ZBTB16: variants seen among roughly 807,000 people sequenced by gnomAD.
ZBTB16 encodes zinc finger and BTB domain-containing protein 16.
ZBTB16 carries 8 observed loss-of-function variants against 56.8 expected under a neutral mutation model. That is an observed-to-expected ratio of 0.14 (90% CI 0.08 to 0.25). The LOEUF (loss-of-function observed/expected upper bound fraction) is 0.25. Among genes scored for constraint, ZBTB16 ranks in the 10% least tolerant of loss-of-function variants. ZBTB16 has a pLI of 1.00. For missense variants in ZBTB16, 625 were observed against 903.0 expected, an observed-to-expected ratio of 0.69 and a Z score of 3.95; for synonymous variants, 363 against 368.5, an observed-to-expected ratio of 0.98 and a Z score of 0.17.
chr11:114,156,276 G>T lies in ZBTB16; in HGVS notation c.1269-61G>T, dbSNP rs1182279943. 3.9e-6 allele frequency: 6 copies of T among 1,557,910 alleles called. No individual in the cohort carries two copies. In the East Asian group the frequency reaches 9.0e-5, roughly 23 times the overall value. ...ATGGCTGCCAAGCCCCCAGGTAGGG[G>T]ATGGCCCTGCCTCTTGTCCAGCCAG... On this transcript the variant is annotated intron_variant, in intron 2 of 6. Coordinates refer to ENST00000335953, the MANE Select transcript of ZBTB16 (RefSeq NM_006006.6).
intron 2 of ZBTB16, among the ~76,000 whole-genome samples, chr11:114,146,586 C>T (rs1942110191): frequency 6.6e-6 from 1 of 152,138 alleles, no homozygotes; most frequent in Non-Finnish European, 1.5e-5. Flanking sequence ...GTGGCTCATA[C>T]TTGTAATTCC....
chr11:114,205,205 CGAGACCATCCTGGCTAACGTGGTGAA>C lies in ZBTB16; in HGVS notation c.1453+18168_1453+18193del, dbSNP rs542739398. 4.5e-3 allele frequency among the ~76,000 whole-genome samples: 690 copies of C among 152,028 alleles called. 2 individuals are homozygous for C. Among genetic ancestry groups the C allele is most frequent in the African/African-American group, 0.016 (649 of 41,450 alleles). On this transcript the variant is annotated intron_variant, in intron 4 of 6. Transcript: ENST00000335953. Reference sequence around the variant, plus strand: ...TGGGCGGATCACGAGGTCAGGAGATCGAGACCATCCTGGCTAACGTGGTGAAACCCCGTCTCTACTAAAAATACAAA... The same window carrying C: ...TGGGCGGATCACGAGGTCAGGAGATCACCCCGTCTCTACTAAAAATACAAA...
intron 2 of ZBTB16, among the ~76,000 whole-genome samples, chr11:114,095,389 T>C (rs1367536288): frequency 6.6e-6 from 1 of 151,530 alleles, no homozygotes; most frequent in Non-Finnish European, 1.5e-5. Context: ...GCCTCCTGAG[T>C]AGCTGGGACT....
At chr11:114,218,144 C>T (rs1346275767) in intron 4 of ZBTB16, among the ~76,000 whole-genome samples, 1 of 152,176 alleles carries the variant, frequency 6.6e-6, no homozygotes, top group Non-Finnish European at 1.5e-5. Flanking sequence ...GGCAGTCCTC[C>T]AGGCTGCTGT....
intron 4 of ZBTB16, among the ~76,000 whole-genome samples, chr11:114,198,024 GAA>G (rs36102991): frequency 0.061 from 8,926 of 145,192 alleles, 370 homozygotes; most frequent in Middle Eastern, 0.1. Context: ...AACTTTACAT[GAA>G]AAAAAAAAAA....
chr11:114,212,333 T>A (rs1034504318), intron 4 of ZBTB16, among the ~76,000 whole-genome samples: 7 of 152,016 alleles, frequency 4.6e-5, no homozygotes, highest in African/African-American at 1.7e-4. Context: ...AGAAAGAAAG[T>A]AAGGGGCTTT....
chr11:114,220,569 A>C (rs1381438547), intron 4 of ZBTB16, among the ~76,000 whole-genome samples: 4 of 152,214 alleles, frequency 2.6e-5, no homozygotes, highest in Non-Finnish European at 5.9e-5. Flanking sequence ...TGTCTCCTTC[A>C]GTAGATGGGA....
intron 4 of ZBTB16, chr11:114,188,109 A>C (rs1322896825): frequency 6.6e-6 from 1 of 152,660 alleles, no homozygotes; most frequent in East Asian, 1.9e-4. Flanking sequence ...TAATGTGCTT[A>C]AATCATCCCA....
intron 2 of ZBTB16, among the ~76,000 whole-genome samples, chr11:114,138,843 A>G (rs1178475711): frequency 2.0e-5 from 3 of 152,022 alleles, no homozygotes; most frequent in South Asian, 2.1e-4. Context: ...GGCATGCACC[A>G]CCATGCCCAG....
chr11:114,250,644 G>T lies in ZBTB16; in HGVS notation c.*89G>T. 11 of 1,333,422 alleles carry T rather than the reference G, an allele frequency of 8.2e-6. No individual in the cohort carries two copies. Among genetic ancestry groups the T allele is most frequent in the Non-Finnish European group, 1.1e-5 (11 of 965,120 alleles). 82.6% of individuals were successfully genotyped at this position (1,333,422 alleles called of 1,614,324 possible). ...GGAAGGACTATGACAAATAAAAAAG[G>T]AAAAGAAAAAAAAAAACAGAAGGAA... On this transcript the variant is annotated 3_prime_UTR_variant, in exon 7 of 7. Transcript: ENST00000335953. The surrounding 1 kb of genome is among the most constrained non-coding windows in gnomAD (Gnocchi z 6.0).
chr11:114,063,152 G>T lies in ZBTB16; in HGVS notation c.-90-59G>T. ...TTGAATTCTTACTTTTAGGGACACT[G>T]ATGAATTTGTCTTTTGTTCTCTCAT... On this transcript the variant is annotated intron_variant, in intron 1 of 6. Coordinates refer to ENST00000335953, the MANE Select transcript of ZBTB16 (RefSeq NM_006006.6). The surrounding 1 kb of genome is among the most constrained non-coding windows in gnomAD (Gnocchi z 6.5). 1 of 860,716 alleles carries T rather than the reference G, an allele frequency of 1.2e-6. No homozygotes were observed. The highest frequency in any genetic ancestry group is 2.6e-5 in the East Asian group (1 of 37,742). 53.3% of individuals were successfully genotyped at this position (860,716 alleles called of 1,614,324 possible).
chr11:114,198,175 A>G (rs1203961685), intron 4 of ZBTB16, among the ~76,000 whole-genome samples: 1 of 152,186 alleles, frequency 6.6e-6, no homozygotes, highest in Non-Finnish European at 1.5e-5. Flanking sequence ...TTTGACTTTT[A>G]TAAATATCAG....
At chr11:114,114,840 C>T (rs117105878) in intron 2 of ZBTB16, among the ~76,000 whole-genome samples, 1 of 151,914 alleles carries the variant, frequency 6.6e-6, no homozygotes, top group Non-Finnish European at 1.5e-5. Flanking sequence ...ACTACCATGC[C>T]CAGCTAATTT....
rs776322758 is a variant in ZBTB16 at position 114,113,004 on chromosome 11, C to T, written c.1269-43333C>T. On this transcript the variant is annotated intron_variant, in intron 2 of 6. Coordinates refer to ENST00000335953, the MANE Select transcript of ZBTB16 (RefSeq NM_006006.6). ...CCCAGGCTGATCATGACCACCTGGG[C>T]GCTCAAGCCATTCTCCCGCTTAGGC... Among the ~76,000 whole-genome samples the T allele has an allele frequency of 3.3e-5, 5 of 152,056 alleles. No individual in the cohort carries two copies. The East Asian group carries it at 7.7e-4, about 24-fold the overall frequency.
At position 114,186,550 on chromosome 11, in the gene ZBTB16, T is replaced by C. The variant is rs58331538; in HGVS notation, c.1367-402T>C. Among the ~76,000 whole-genome samples, 1,376 of 152,244 alleles carry C rather than the reference T, an allele frequency of 9.0e-3. 23 individuals carry two copies. Among genetic ancestry groups the C allele is most frequent in the African/African-American group, 0.03 (1,265 of 41,532 alleles). On this transcript the variant is annotated intron_variant, in intron 3 of 6. Coordinates refer to ENST00000335953, the MANE Select transcript of ZBTB16 (RefSeq NM_006006.6). ...CCATGGACATCCAGGTTGAGGTATGTCAGCAATTCTTACATTCCCATAAAG... is the reference window on the plus strand; with the variant it reads ...CCATGGACATCCAGGTTGAGGTATGCCAGCAATTCTTACATTCCCATAAAG...
chr11:114,186,900 C>A (rs1220771996), intron 3 of ZBTB16, 52 bp from the exon 4 acceptor site: 2 of 1,578,738 alleles, frequency 1.3e-6, no homozygotes, highest in South Asian at 1.1e-5. Flanking sequence ...AGGACCTCCC[C>A]GCTCACCAGT....
At chr11:114,072,879 C>G (rs1371327822) in intron 2 of ZBTB16, among the ~76,000 whole-genome samples, 1 of 151,752 alleles carries the variant, frequency 6.6e-6, no homozygotes, top group Admixed American at 6.6e-5. Context: ...AGTGAAACCC[C>G]GTCTCTACTA....
intron 4 of ZBTB16, among the ~76,000 whole-genome samples, chr11:114,205,409 CAA>C (rs771668577): frequency 1.3e-4 from 12 of 95,106 alleles, no homozygotes; most frequent in African/African-American, 1.3e-4. Flanking sequence ...GACTCCGTCT[CAA>C]AAAAAAAAAA....
intron 2 of ZBTB16, among the ~76,000 whole-genome samples, chr11:114,110,725 T>C (rs1940974969): frequency 6.6e-6 from 1 of 152,194 alleles, no homozygotes; most frequent in Non-Finnish European, 1.5e-5. Context: ...TGATAGAAAC[T>C]GATGAGGTTA....
Sources: allele counts gnomAD v4.1 joint callset (sites outside exome capture counted in the v4.1 genomes callset), GRCh38; gene constraint gnomAD v4.1.1; non-coding constraint Gnocchi (gnomAD v3.1); transcripts MANE v1.5; gene names NCBI Gene and HGNC (gene_info 2026-07-23, HGNC 2026-07-21).